CELF2: variants seen among roughly 807,000 people sequenced by gnomAD.
CELF2 encodes the protein CUGBP Elav-like family member 2.
A neutral mutation model predicts 62.6 loss-of-function variants in CELF2; 8 were observed. That is an observed-to-expected ratio of 0.13 (90% confidence interval 0.07 to 0.23). CELF2 has a LOEUF of 0.23. Among genes scored for constraint, CELF2 ranks in the 10% least tolerant of loss-of-function variants. CELF2 has a pLI of 1.00. For missense variants in CELF2, 333 were observed against 671.0 expected, an observed-to-expected ratio of 0.50 and a Z score of 5.56; for synonymous variants, 258 against 250.0, an observed-to-expected ratio of 1.03 and a Z score of -0.30.
chr10:11,284,828 G>A (rs1457862325), intron 8 of CELF2, among the ~76,000 whole-genome samples: 1 of 150,846 alleles, frequency 6.6e-6, no homozygotes, highest in Non-Finnish European at 1.5e-5. Context: ...ATGGGTGGGA[G>A]AATAATGGAT....
intron 1 of CELF2, among the ~76,000 whole-genome samples, chr10:10,894,289 T>C (rs981707350): frequency 5.3e-5 from 8 of 152,156 alleles, no homozygotes; most frequent in African/African-American, 1.9e-4. Flanking sequence ...AAAATTGGGG[T>C]CTGAGAGCTG....
chr10:10,782,062 G>A, the CELF2 span, among the ~76,000 whole-genome samples: 1 of 152,148 alleles, frequency 6.6e-6, no homozygotes, highest in African/African-American at 2.4e-5. Context: ...TAACTTATAT[G>A]AAAATATTAT....
rs2054985001 is a variant in CELF2 at position 11,110,900 on chromosome 10, T to TA, written c.75-54586_75-54585insA. 3.9e-5 allele frequency among the ~76,000 whole-genome samples: 6 copies of TA among 152,150 alleles called. No homozygotes were observed. The highest frequency in any genetic ancestry group is 2.6e-4 in the Admixed American group (4 of 15,282). On this transcript the variant is annotated intron_variant, in intron 1 of 12. Coordinates refer to ENST00000633077, the MANE Select transcript of CELF2 (RefSeq NM_001326342.2). The surrounding 1 kb of genome is among the most constrained non-coding windows in gnomAD (Gnocchi z 4.0). ...AGCAAAGCCCTTGGAAACGCAGCAC[T>TA]GCAATGAGCATTTTATTGAATTCTT...
the CELF2 span, among the ~76,000 whole-genome samples, chr10:10,561,421 T>C: frequency 6.6e-6 from 1 of 152,170 alleles, no homozygotes; most frequent in African/African-American, 2.4e-5. Context: ...AACAAATACA[T>C]GTTAAGTACT....
intron 1 of CELF2, among the ~76,000 whole-genome samples, chr10:11,091,538 G>T (rs1285754774): frequency 6.6e-6 from 1 of 152,150 alleles, no homozygotes; most frequent in African/African-American, 2.4e-5. Flanking sequence ...TAAAGACAGG[G>T]TAAACTAGAT....
chr10:10,684,442 T>C, the CELF2 span, among the ~76,000 whole-genome samples: 1 of 152,030 alleles, frequency 6.6e-6, no homozygotes, highest in Non-Finnish European at 1.5e-5. Context: ...AAACAAAGTT[T>C]AAAAAGTAAT....
intron 2 of CELF2, among the ~76,000 whole-genome samples, chr10:11,181,641 T>G (rs1399671542): frequency 6.6e-6 from 1 of 152,256 alleles, no homozygotes; most frequent in Non-Finnish European, 1.5e-5. Flanking sequence ...GAAATTCCTG[T>G]GACGCTGTAT....
intron 1 of CELF2, among the ~76,000 whole-genome samples, chr10:10,814,715 C>G (rs2056284778): frequency 6.6e-6 from 1 of 152,124 alleles, no homozygotes; most frequent in Non-Finnish European, 1.5e-5. Context: ...TCAGAGAGCT[C>G]AATCAGTTAC....
At chr10:11,001,832 G>A (rs535567013), upstream of CELF2, among the ~76,000 whole-genome samples, 1 of 151,860 alleles carries the variant, frequency 6.6e-6, no homozygotes, top group East Asian at 1.9e-4. Flanking sequence ...GTAATAATCA[G>A]GATTGTTAAA....
At chr10:11,018,397 G>T (rs2057678112) in intron 1 of CELF2, among the ~76,000 whole-genome samples, 1 of 151,730 alleles carries the variant, frequency 6.6e-6, no homozygotes, top group African/African-American at 2.4e-5. Flanking sequence ...GCGGAGCGCG[G>T]CGTCCCGGGG....
intron 2 of CELF2, among the ~76,000 whole-genome samples, chr10:11,209,442 C>T (rs1198033525): frequency 6.6e-6 from 1 of 151,970 alleles, no homozygotes; most frequent in East Asian, 1.9e-4. Context: ...CATGGGTGAC[C>T]CTCCAGGATC....
At chr10:11,122,474 T>C (rs1390380689) in intron 1 of CELF2, among the ~76,000 whole-genome samples, 20 of 152,254 alleles carry the variant, frequency 1.3e-4, no homozygotes, top group Admixed American at 1.3e-3. Flanking sequence ...GTTGATTCTT[T>C]GTGCTGCTTT....
rs1591183092 is a variant in CELF2 at position 11,306,691 on chromosome 10, T to C, written c.977-7448T>C. Among the ~76,000 whole-genome samples the C allele has an allele frequency of 6.6e-6, 1 of 152,154 alleles. No individual in the cohort carries two copies. The highest frequency in any genetic ancestry group is 1.9e-4 in the East Asian group (1 of 5,192). ...AGAGTGCACAGGGAGTCTTTCCACT[T>C]TAAGGCAAGTCATCTAGTTAATTTT... On this transcript the variant is annotated intron_variant, in intron 9 of 12. Coordinates refer to ENST00000633077, the MANE Select transcript of CELF2 (RefSeq NM_001326342.2). This position sits in a 1 kb window ranked among gnomAD's most constrained non-coding sequence, Gnocchi z 4.4.
chr10:11,314,349 A>G lies in CELF2; in HGVS notation c.1096+91A>G. 6.4e-7 allele frequency: 1 copy of G among 1,555,550 alleles called. No individual in the cohort carries two copies. The highest frequency in any genetic ancestry group is 8.9e-7 in the Non-Finnish European group (1 of 1,128,240). On this transcript the variant is annotated intron_variant, in intron 10 of 12. Coordinates refer to ENST00000633077, the MANE Select transcript of CELF2 (RefSeq NM_001326342.2). This position sits in a 1 kb window ranked among gnomAD's most constrained non-coding sequence, Gnocchi z 5.3. ...TGGTCAGCCAGAAATGACCCGAAAA[A>G]GGATATGCCACGGGGAGAACTAAAA...
rs968389570 is a variant in CELF2 at position 11,165,857 on chromosome 10, G to A, written c.271+175G>A. 3.3e-5 allele frequency among the ~76,000 whole-genome samples: 5 copies of A among 152,160 alleles called. No homozygotes were observed. In the South Asian group the frequency reaches 1.0e-3, roughly 32 times the overall value. ...GCTCCCGACTCCTCCCCGCACCCCC[G>A]CCCGCCTGCCCGCCGGGACAGGTTG... On this transcript the variant is annotated intron_variant, in intron 2 of 12. Transcript: ENST00000633077. The surrounding 1 kb of genome is among the most constrained non-coding windows in gnomAD (Gnocchi z 7.4).
chr10:11,022,245 A>T (rs1040305582), intron 1 of CELF2, among the ~76,000 whole-genome samples: 1 of 152,238 alleles, frequency 6.6e-6, no homozygotes, highest in African/African-American at 2.4e-5. Context: ...TTAACAGCAC[A>T]TGTTATCAGC....
At chr10:10,547,039 G>A in the CELF2 span, among the ~76,000 whole-genome samples, 4 of 152,090 alleles carry the variant, frequency 2.6e-5, no homozygotes, top group East Asian at 5.8e-4. Flanking sequence ...CCTGGGAGGC[G>A]GAGGTTGCAG....
chr10:10,465,647 C>T, the CELF2 span, among the ~76,000 whole-genome samples: 1 of 152,080 alleles, frequency 6.6e-6, no homozygotes, highest in Non-Finnish European at 1.5e-5. Context: ...TCACCCACTG[C>T]CTTTGTCATT....
At chr10:10,736,357 ATTCTTTCT>A in the CELF2 span, among the ~76,000 whole-genome samples, 1,510 of 109,634 alleles carry the variant, frequency 0.014, 21 homozygotes, top group African/African-American at 0.018. Flanking sequence ...ACTGATTTCT[ATTCTTTCT>A]TTCTTTCTTT....
Sources: allele counts gnomAD v4.1 joint callset (sites outside exome capture counted in the v4.1 genomes callset), GRCh38; gene constraint gnomAD v4.1.1; non-coding constraint Gnocchi (gnomAD v3.1); transcripts MANE v1.5; gene names NCBI Gene and HGNC (gene_info 2026-07-23, HGNC 2026-07-21).